Variants in MYH7 observed in about 807,000 individuals in gnomAD.
MYH7 encodes the protein myosin-7.
Under a neutral mutation model 225.4 loss-of-function variants are expected in MYH7, and 129 were observed. The ratio of observed to expected loss-of-function variants is 0.57; its 90% confidence interval spans 0.50 to 0.66. The LOEUF is 0.66. Among genes scored for constraint, MYH7 ranks in the 30% least tolerant of loss-of-function variants. The pLI is 0.00. For synonymous variants in MYH7, 971 were observed against 1,007.6 expected, an observed-to-expected ratio of 0.96 and a Z score of 0.69; for missense variants, 1,649 against 2,517.0, an observed-to-expected ratio of 0.66 and a Z score of 7.38.
At chr14:23,419,034 G>C (rs539250709) in intron 29 of MYH7, 143 bp downstream of exon 29, 8 of 824,576 alleles carry the variant, frequency 9.7e-6, no homozygotes, top group Admixed American at 1.8e-5. Context: ...CATGTGGCAG[G>C]GTTTGGGCTG....
At position 23,424,906 on chromosome 14, in the gene MYH7, CCTT is replaced by C. The variant is rs397516155; in HGVS notation, c.2539_2541del (p.Lys847del). On this transcript the variant is annotated inframe_deletion, in exon 22 of 40. Transcript: ENST00000355349. ...AACTCCTCCTTCATGGAGGCCATCT[CCTT>C]CTCTCTTTCTGCACTCTTCAGCAGC... 1.2e-6 allele frequency: 2 copies of C among 1,614,252 alleles called. No individual in the cohort carries two copies. Among genetic ancestry groups the C allele is most frequent in the Non-Finnish European group, 1.7e-6 (2 of 1,180,042 alleles).
Position 23,421,020 on chromosome 14 carries a change from C to T in MYH7, c.3274G>A (p.Ala1092Thr), listed in dbSNP as rs772216320. ...AGGGCCTGTTCATCCTCAATCCTTG[C>T]GTTGAGAGCATTCAGCTCAAAGTCT... ...KKDFELNALN[A>T]RIEDEQALGS... Residue 1092 changes from alanine (A) to threonine (T), a missense_variant, in exon 26 of 40, where the codon GCA becomes ACA. Ala to Thr is a moderately conservative substitution (Grantham distance 58). Coordinates refer to ENST00000355349, the MANE Select transcript of MYH7 (RefSeq NM_000257.4). The T allele has an allele frequency of 3.1e-6, 5 of 1,612,770 alleles. No individual in the cohort carries two copies. The highest frequency in any genetic ancestry group is 1.7e-5 in the Admixed American group (1 of 60,002).
chr14:23,431,341 G>T, intron 9 of MYH7, 77 bp downstream of exon 9: 1 of 1,408,782 alleles, frequency 7.1e-7, no homozygotes, highest in Non-Finnish European at 1.0e-6. Flanking sequence ...AGGGAGGGGA[G>T]AGAGAGAGAG....
At chr14:23,434,270 G>A (rs2138688313) in intron 1 of MYH7, 21 bp from the exon 2 acceptor site, 1 of 1,000,956 alleles carries the variant, frequency 1.0e-6, no homozygotes, top group South Asian at 4.3e-5. Flanking sequence ...GGAAGAGGCT[G>A]TGTCAGGGCA....
rs17794387 is a variant in MYH7 at position 23,412,741 on chromosome 14, C to T, written c.*113G>A. 97,828 of 1,298,592 alleles carry T rather than the reference C, an allele frequency of 0.075. 3,967 individuals are homozygous for T. The highest frequency in any genetic ancestry group is 0.1 in the South Asian group (8,651 of 82,522). The allele number at this position is 1,298,592 out of a possible 1,614,324, so 80.4% of individuals were successfully genotyped here. On this transcript the variant is annotated 3_prime_UTR_variant, in exon 40 of 40. Coordinates refer to ENST00000355349, the MANE Select transcript of MYH7 (RefSeq NM_000257.4). ...GAAGAAGAGTCTGGAGTCAGGATCT[C>T]GGCTTCAAGGAAAATTGCTTTATTC...
At position 23,426,071 on chromosome 14, in the gene MYH7, G is replaced by T; in HGVS notation, c.2055C>A (p.Asp685Glu). 1.2e-6 allele frequency: 2 copies of T among 1,614,174 alleles called. No homozygotes were observed. The highest frequency in any genetic ancestry group is 1.7e-6 in the Non-Finnish European group (2 of 1,180,020). The change falls in exon 19 of 40, where the codon GAC (aspartate) becomes GAA (glutamate). Residue 685 changes from aspartate to glutamate, a missense_variant. Physicochemically the swap from Asp to Glu is conservative, Grantham distance 45 (BLOSUM62 2). Coordinates refer to ENST00000355349, the MANE Select transcript of MYH7 (RefSeq NM_000257.4). ...PNETKSPGVM[D>E]NPLVMHQLRC... The stretch of plus-strand genomic sequence containing the variant: ...GCAGCTGGTGCATGACCAGGGGGTT[G>T]TCCATCACCCCTGTGGCAAGAAGGA...
intron 4 of MYH7, 123 bp from the exon 5 acceptor site, chr14:23,432,918 C>A: frequency 6.7e-7 from 1 of 1,492,938 alleles, no homozygotes; most frequent in South Asian, 1.2e-5. Context: ...TGCACTCAAT[C>A]TGAGTAATGC....
rs1309163736 is a variant in MYH7 at position 23,432,522 on chromosome 14, G to A, written c.503-16C>T. On this transcript the variant is annotated splice_polypyrimidine_tract_variant and intron_variant, in intron 5 of 39. Transcript: ENST00000355349. Reference sequence around the variant, plus strand: ...TTTTCTCTGTCTGTGGGGAGAGGGTGGGGAGGAAAGGTCAGGAGCTGCACA... The same window carrying A: ...TTTTCTCTGTCTGTGGGGAGAGGGTAGGGAGGAAAGGTCAGGAGCTGCACA... 13 of 1,614,130 alleles carry A rather than the reference G, an allele frequency of 8.1e-6. No homozygotes were observed. Among genetic ancestry groups the A allele is most frequent in the Non-Finnish European group, 1.1e-5 (13 of 1,180,018 alleles).
chr14:23,431,752 C>A lies in MYH7; in HGVS notation c.639+9G>T, dbSNP rs373301620. The A allele has an allele frequency of 6.2e-7, 1 of 1,614,090 alleles. No individual in the cohort carries two copies. Among genetic ancestry groups the A allele is most frequent in the African/African-American group, 1.3e-5 (1 of 74,958 alleles). Reference sequence around the variant, plus strand: ...TGCGGTACAGGACCTTGGAGGGCAGCAGGCCTACCTTGCCCGGGCTCTGGT... The same window carrying A: ...TGCGGTACAGGACCTTGGAGGGCAGAAGGCCTACCTTGCCCGGGCTCTGGT... On this transcript the variant is annotated intron_variant, in intron 7 of 39. Coordinates refer to ENST00000355349, the MANE Select transcript of MYH7 (RefSeq NM_000257.4).
intron 33 of MYH7, 117 bp downstream of exon 33, chr14:23,416,751 C>G (rs1021452375): frequency 2.4e-5 from 37 of 1,541,644 alleles, no homozygotes; most frequent in Non-Finnish European, 3.3e-5. Flanking sequence ...GTGCCAGGCT[C>G]TGTCCTAGGC....
At position 23,427,321 on chromosome 14, in the gene MYH7, A is replaced by G. The variant is rs1892732354; in HGVS notation, c.1889-14T>C. 1 of 1,613,794 alleles carries G rather than the reference A, an allele frequency of 6.2e-7. No individual in the cohort carries two copies. The highest frequency in any genetic ancestry group is 2.2e-5 in the East Asian group (1 of 44,880). ...CCTTCTCAATAGCTGCAGGAAGGAG[A>G]GTCAACAAAAGAAGCATCAGTGTGG... On this transcript the variant is annotated splice_polypyrimidine_tract_variant and intron_variant, in intron 16 of 39. Coordinates refer to ENST00000355349, the MANE Select transcript of MYH7 (RefSeq NM_000257.4).
In MYH7 at chr14:23,414,028, G is replaced by A. The variant is rs778008286; in HGVS notation, c.5634C>T (p.Tyr1878=). 6.2e-7 allele frequency: 1 copy of A among 1,614,168 alleles called. No individual in the cohort carries two copies. Among genetic ancestry groups the A allele is most frequent in the Non-Finnish European group, 8.5e-7 (1 of 1,180,046 alleles). Residue 1878 remains tyrosine (Y), a synonymous_variant, in exon 38 of 40, where the codon TAC becomes TAT. Coordinates refer to ENST00000355349, the MANE Select transcript of MYH7 (RefSeq NM_000257.4). ...TCACCGCCTCCTCGGCCTGGCGCTT[G>A]TAGGCCTTGACCTTTAGCTGCAGCT... ...VDKLQLKVKA[Y]KRQAEEAEEQ... is the part of the protein sequence containing the mutation.
At position 23,420,078 on chromosome 14, in the gene MYH7, T is replaced by C. The variant is rs777783900; in HGVS notation, c.3493A>G (p.Lys1165Glu). The change falls in exon 27 of 40, where the codon AAG (lysine) becomes GAG (glutamate). Residue 1165 changes from lysine (K) to glutamate (E), a missense_variant. By Grantham distance (56) the Lys-to-Glu change is moderately conservative (BLOSUM62 1). Transcript: ENST00000355349. ...TTCTGGAACTCGGCCTCGCGCTTCT[T>C]GTTCATCTCGATCTGCACGGACGTG... ...GATSVQIEMN[K>E]KREAEFQKMR... The C allele has an allele frequency of 3.1e-6, 5 of 1,596,512 alleles. No individual in the cohort carries two copies. In the South Asian group the frequency reaches 5.5e-5, roughly 18 times the overall value.
chr14:23,414,160 C>A (rs1892089901), intron 37 of MYH7, 58 bp from the exon 38 acceptor site: 2 of 1,476,082 alleles, frequency 1.4e-6, no homozygotes, highest in Non-Finnish European at 1.9e-6. Flanking sequence ...AGGTAGCATC[C>A]CCTCCGCCCT....
chr14:23,419,622 G>A lies in MYH7; in HGVS notation c.3727-13C>T. 6.2e-7 allele frequency: 1 copy of A among 1,614,066 alleles called. No homozygotes were observed. Among genetic ancestry groups the A allele is most frequent in the East Asian group, 2.2e-5 (1 of 44,860 alleles). ...TCTCCAGGTTAGCCTGAGAAGGGAA[G>A]GAGAGTTATATGATGGATGTTGGGG... On this transcript the variant is annotated splice_polypyrimidine_tract_variant and intron_variant, in intron 27 of 39. Transcript: ENST00000355349.
At position 23,424,078 on chromosome 14, in the gene MYH7, G is replaced by A. The variant is rs1041957; in HGVS notation, c.2751C>T (p.Ala917=). The A allele has an allele frequency of 6.2e-7, 1 of 1,614,140 alleles. No individual in the cohort carries two copies. Among genetic ancestry groups the A allele is most frequent in the Non-Finnish European group, 8.5e-7 (1 of 1,180,026 alleles). The change falls in exon 23 of 40, where the codon GCC becomes GCT. Residue 917 remains alanine, a synonymous_variant. Coordinates refer to ENST00000355349, the MANE Select transcript of MYH7 (RefSeq NM_000257.4). ...GCCTCTCGTTCATCTCCTTCACCTT[G>A]GCCTCCAGCTGAATCTTGTTTTTGA... ...QLIKNKIQLE[A]KVKEMNERLE...
chr14:23,419,199 C>T lies in MYH7; in HGVS notation c.3950G>A (p.Arg1317Lys). The part of the protein sequence containing the change: ...TYTQQLEDLK[R>K]QLEEEVKAKN... ...TACCTTAACCTCCTCCTCCAGCTGC[C>T]TCTTGAGGTCCTCCAGCTGCTGGGT... The change falls in exon 29 of 40, where the codon AGG becomes AAG. Residue 1317 changes from arginine (R) to lysine (K), a missense_variant. Around this residue, in one of 12 missense-constraint regions of MYH7, gnomAD observed 687 missense variants for 913.8 expected, o/e 0.75. Coordinates refer to ENST00000355349, the MANE Select transcript of MYH7 (RefSeq NM_000257.4). 1 of 1,614,212 alleles carries T rather than the reference C, an allele frequency of 6.2e-7. No homozygotes were observed. Among genetic ancestry groups the T allele is most frequent in the Middle Eastern group, 1.6e-4 (1 of 6,062 alleles).
chr14:23,421,025 A>C lies in MYH7; in HGVS notation c.3269T>G (p.Leu1090Arg). ...CTGTTCATCCTCAATCCTTGCGTTG[A>C]GAGCATTCAGCTCAAAGTCTTTTCT... ...LKKKDFELNALNARIEDEQAL... is the reference protein window; with the variant it reads ...LKKKDFELNARNARIEDEQAL... Residue 1090 changes from leucine to arginine, a missense_variant, in exon 26 of 40, where the codon CTC (leucine) becomes CGC (arginine). Physicochemically the swap from Leu to Arg is moderately radical, Grantham distance 102. This residue lies in a region of MYH7 where 282 missense variants were observed against 315.3 expected (regional missense o/e 0.89). Transcript: ENST00000355349. 6.2e-7 allele frequency: 1 copy of C among 1,613,052 alleles called. No individual in the cohort carries two copies. The highest frequency in any genetic ancestry group is 8.5e-7 in the Non-Finnish European group (1 of 1,179,998).
rs1300410707 is a variant in MYH7 at position 23,415,751 on chromosome 14, T to G, written c.5035A>C (p.Asn1679His). 1 of 1,614,180 alleles carries G rather than the reference T, an allele frequency of 6.2e-7. No individual in the cohort carries two copies. Among genetic ancestry groups the G allele is most frequent in the Non-Finnish European group, 8.5e-7 (1 of 1,180,032 alleles). ...ENIAIVERRN[N>H]LLQAELEELR... ...TCCTCCAGCTCAGCCTGCAGCAGGTTGTTGCGCCGCTCCACGATGGCGATG... is the reference window on the plus strand; with the variant it reads ...TCCTCCAGCTCAGCCTGCAGCAGGTGGTTGCGCCGCTCCACGATGGCGATG... Residue 1679 changes from asparagine to histidine, a missense_variant, in exon 35 of 40, where the codon AAC becomes CAC. Physicochemically the swap from Asn to His is moderately conservative, Grantham distance 68 (BLOSUM62 1). Transcript: ENST00000355349. This position sits in a 1 kb window ranked among gnomAD's most constrained non-coding sequence, Gnocchi z 6.3.
Sources: allele counts gnomAD v4.1 joint callset, GRCh38; gene constraint gnomAD v4.1.1; regional missense constraint gnomAD v4.1.1; non-coding constraint Gnocchi (gnomAD v3.1); transcripts MANE v1.5; gene names NCBI Gene and HGNC (gene_info 2026-07-23, HGNC 2026-07-21).